PDE2A: variants seen among roughly 807,000 people sequenced by gnomAD.
PDE2A encodes the protein cGMP-dependent 3',5'-cyclic phosphodiesterase.
In PDE2A, 53 loss-of-function variants were observed where a neutral mutation model predicts 133.6. That is an observed-to-expected ratio of 0.40 (90% CI 0.32 to 0.50). The LOEUF (loss-of-function observed/expected upper bound fraction) is 0.50, where lower values mean the gene tolerates loss of function less well. PDE2A is among the 20% of genes least tolerant of loss of function. The probability of loss-of-function intolerance (pLI) is 0.73; values close to 1 mark genes in which losing one functional copy is unlikely to be tolerated. For synonymous variants in PDE2A, 491 were observed against 490.2 expected (o/e 1.00, Z -0.02); for missense variants, 796 against 1,232.4 (o/e 0.65, Z 5.30).
chr11:72,581,868 C>A lies in PDE2A; in HGVS notation c.1922+9G>T, dbSNP rs1004127235. 4.3e-6 allele frequency: 7 copies of A among 1,612,892 alleles called. No individual in the cohort carries two copies. Among genetic ancestry groups the A allele is most frequent in the Non-Finnish European group, 5.9e-6 (7 of 1,179,050 alleles). On this transcript the variant is annotated intron_variant, in intron 22 of 30. Transcript: ENST00000334456. ...GGCGAAGACTGGGGCTGTCTGTGGG[C>A]GCACGAACCGGGCCAGGGTCGGGCA...
chr11:72,663,583 G>A (rs1298766799), intron 1 of PDE2A, among the ~76,000 whole-genome samples: 1 of 152,058 alleles, frequency 6.6e-6, no homozygotes, highest in Non-Finnish European at 1.5e-5. Context: ...ACAAAAATTA[G>A]CCAGGCATGC....
intron 2 of PDE2A, among the ~76,000 whole-genome samples, chr11:72,641,602 G>C (rs10898861): frequency 0.62 from 93,699 of 152,042 alleles, 29,390 homozygotes; most frequent in Middle Eastern, 0.78. Context: ...ACCTGGAGAG[G>C]AACAAGAGGA....
intron 2 of PDE2A, chr11:72,615,153 C>G (rs769703841): frequency 6.2e-6 from 3 of 481,018 alleles, no homozygotes; most frequent in African/African-American, 5.9e-5. Flanking sequence ...CAGTGCCTCC[C>G]AAGGGTGTCC....
intron 3 of PDE2A, among the ~76,000 whole-genome samples, chr11:72,606,736 G>T (rs1856986033): frequency 6.6e-6 from 1 of 152,208 alleles, no homozygotes; most frequent in African/African-American, 2.4e-5. Flanking sequence ...GGCCCAAAGA[G>T]GTTAAGAGAC....
chr11:72,586,667 C>T (rs984972883), intron 13 of PDE2A, among the ~76,000 whole-genome samples: 2 of 152,224 alleles, frequency 1.3e-5, no homozygotes, highest in Non-Finnish European at 2.9e-5. Context: ...ATGGAGCTAG[C>T]TCTGGTGAGA....
intron 25 of PDE2A, 191 bp from the exon 26 acceptor site, chr11:72,579,799 C>T (rs1855638463): frequency 1.7e-6 from 1 of 579,112 alleles, no homozygotes; most frequent in Non-Finnish European, 3.1e-6. Context: ...CAGGGTGAGT[C>T]CCTAGACCAC....
At chr11:72,584,501 C>A (rs771186701) in intron 18 of PDE2A, 50 bp downstream of exon 18, 1 of 1,537,682 alleles carries the variant, frequency 6.5e-7, no homozygotes, top group South Asian at 1.2e-5. Flanking sequence ...CGCTCGGACC[C>A]GCCCCGCCCG....
chr11:72,611,296 A>C (rs1857201575), intron 2 of PDE2A, among the ~76,000 whole-genome samples: 2 of 152,200 alleles, frequency 1.3e-5, no homozygotes, highest in Admixed American at 6.5e-5. Context: ...CTGTGGTCAG[A>C]CAGCCAGTCA....
intron 2 of PDE2A, among the ~76,000 whole-genome samples, chr11:72,613,395 T>C (rs1181047465): frequency 6.6e-6 from 1 of 151,816 alleles, no homozygotes; most frequent in Admixed American, 6.6e-5. Context: ...TGGTGTCCCC[T>C]TCTGTAAAGG....
chr11:72,608,523 C>A (rs1412959029), intron 3 of PDE2A, 139 bp downstream of exon 3: 2 of 590,982 alleles, frequency 3.4e-6, no homozygotes, highest in African/African-American at 1.8e-5. Flanking sequence ...CCATCCAGAC[C>A]CTTCACTTCC....
At position 72,581,255 on chromosome 11, in the gene PDE2A, T is replaced by C. The variant is rs1038859650; in HGVS notation, c.2045+102A>G. On this transcript the variant is annotated intron_variant, in intron 23 of 30. Transcript: ENST00000334456. ...GTCCCCTGGGGCTAAGAAGATCCCA[T>C]GAGGCAGTGCGTGTAAAGTGCCTGA... 4 of 1,199,984 alleles carry C rather than the reference T, an allele frequency of 3.3e-6. No individual in the cohort carries two copies. The East Asian group carries it at 7.1e-5, about 21-fold the overall frequency. The allele number at this position is 1,199,984 out of a possible 1,614,324, so 74.3% of individuals were successfully genotyped here. A position where few individuals can be genotyped will look rare whatever the true frequency, so the allele number is the denominator to read the frequency against.
At chr11:72,587,127 TCTCA>T (rs1196733565) in intron 13 of PDE2A, among the ~76,000 whole-genome samples, 4 of 152,310 alleles carry the variant, frequency 2.6e-5, no homozygotes, top group African/African-American at 9.6e-5. Context: ...AGAATACCCT[TCTCA>T]CTCTCTTCCC....
rs550362742 is a variant in PDE2A at position 72,582,371 on chromosome 11, T to C, written c.1851+73A>G. ...TGACTCTGTCTTCCCAGGAAGTTCT[T>C]GATGCGCATTTAACTTAAGCCTCTG... On this transcript the variant is annotated intron_variant, in intron 21 of 30. Coordinates refer to ENST00000334456, the MANE Select transcript of PDE2A (RefSeq NM_002599.5). 3.7e-4 allele frequency: 539 copies of C among 1,443,108 alleles called. 1 individual carries two copies. The highest frequency in any genetic ancestry group is 3.8e-4 in the Non-Finnish European group (403 of 1,047,110). 89.4% of individuals were successfully genotyped at this position (1,443,108 alleles called of 1,614,324 possible). A position where few individuals can be genotyped will look rare whatever the true frequency, so the allele number is the denominator to read the frequency against.
At chr11:72,667,147 G>A (rs1855259747) in intron 1 of PDE2A, among the ~76,000 whole-genome samples, 1 of 152,074 alleles carries the variant, frequency 6.6e-6, no homozygotes, top group Non-Finnish European at 1.5e-5. Flanking sequence ...GCTCACACAT[G>A]TGAGTATGTT....
rs533916172 is a variant in PDE2A at position 72,658,580 on chromosome 11, G to A, written c.71+15557C>T. 1.5e-4 allele frequency among the ~76,000 whole-genome samples: 23 copies of A among 151,880 alleles called. No homozygotes were observed. In the South Asian group the frequency reaches 2.3e-3, roughly 15 times the overall value. Reference sequence around the variant, plus strand: ...ACTCCTGGCCTCAAGTGATCCTCCCGCCTCAGCTTCCCAAAGTGCTGGGGA... The same window carrying A: ...ACTCCTGGCCTCAAGTGATCCTCCCACCTCAGCTTCCCAAAGTGCTGGGGA... On this transcript the variant is annotated intron_variant, in intron 1 of 30. Transcript: ENST00000334456.
intron 1 of PDE2A, among the ~76,000 whole-genome samples, chr11:72,667,352 T>C (rs1565199840): frequency 6.6e-6 from 1 of 152,162 alleles, no homozygotes. Flanking sequence ...TCTAGATGCA[T>C]TTCCAAATCT....
intron 2 of PDE2A, among the ~76,000 whole-genome samples, chr11:72,610,636 G>C (rs1857167355): frequency 6.6e-6 from 1 of 152,090 alleles, no homozygotes; most frequent in Non-Finnish European, 1.5e-5. Flanking sequence ...CACATATCTT[G>C]GTCATGGGAA....
chr11:72,628,612 A>G (rs1858207812), intron 2 of PDE2A, among the ~76,000 whole-genome samples: 2 of 152,210 alleles, frequency 1.3e-5, no homozygotes, highest in African/African-American at 4.8e-5. Flanking sequence ...TACAAGCGTG[A>G]GCCACCGCTC....
At position 72,590,443 on chromosome 11, in the gene PDE2A, C is replaced by G. The variant is rs1433375412; in HGVS notation, c.687G>C (p.Lys229Asn). 2.6e-6 allele frequency: 4 copies of G among 1,556,942 alleles called. No homozygotes were observed. The highest frequency in any genetic ancestry group is 3.5e-6 in the Non-Finnish European group (4 of 1,151,854). The change falls in exon 8 of 31, where the codon AAG becomes AAC. Residue 229 changes from lysine (K) to asparagine (N), a missense_variant. Physicochemically the swap from Lys to Asn is moderately conservative, Grantham distance 94. Transcript: ENST00000334456. This position sits in a 1 kb window ranked among gnomAD's most constrained non-coding sequence, Gnocchi z 4.8. ...GGAAYTDRDR[K>N]ILQLCGELYD... ...GGCCCTCACCGCACAGTTGGAGGAT[C>G]TTGCGGTCGCGGTCGGTGTACGCCG...
Sources: allele counts gnomAD v4.1 joint callset (sites outside exome capture counted in the v4.1 genomes callset), GRCh38; gene constraint gnomAD v4.1.1; non-coding constraint Gnocchi (gnomAD v3.1); transcripts MANE v1.5; gene names NCBI Gene and HGNC (gene_info 2026-07-23, HGNC 2026-07-21).